Variants in TESK2 observed in about 807,000 individuals in gnomAD.
TESK2 encodes testis associated actin remodelling kinase 2.
TESK2 carries 39 observed loss-of-function variants against 57.1 expected under a neutral mutation model. That is an observed-to-expected ratio of 0.68 (90% CI 0.53 to 0.89). TESK2 has a LOEUF of 0.89. Among genes scored for constraint, TESK2 ranks in the 40% least tolerant of loss-of-function variants. The pLI, the probability that TESK2 is intolerant of heterozygous loss-of-function variation, is 0.00. For synonymous variants in TESK2, 249 were observed against 267.9 expected (o/e 0.93, Z 0.69); for missense variants, 646 against 732.1 (o/e 0.88, Z 1.36).
intron 1 of TESK2, among the ~76,000 whole-genome samples, chr1:45,477,736 T>C (rs1038152376): frequency 2.6e-5 from 4 of 152,194 alleles, no homozygotes; most frequent in African/African-American, 9.7e-5. Flanking sequence ...TGATATCTGT[T>C]GCTTATAAAA....
intron 1 of TESK2, among the ~76,000 whole-genome samples, chr1:45,482,411 C>G (rs1480714674): frequency 2.0e-5 from 3 of 151,796 alleles, no homozygotes; most frequent in Admixed American, 2.0e-4. Context: ...ACCTGTAGTC[C>G]CAGCTACTCA....
In TESK2 at chr1:45,423,284, A is replaced by T. The variant is rs569905772; in HGVS notation, c.223-1438T>A. On this transcript the variant is annotated intron_variant, in intron 2 of 10. Coordinates refer to ENST00000372086, the MANE Select transcript of TESK2 (RefSeq NM_007170.3). ...TACCATAAAAATCCATAGGCCGGGC[A>T]CAGTGGCTCACGCCTGTAATCCCAG... is the stretch of plus-strand genomic sequence containing the variant. Among the ~76,000 whole-genome samples the T allele has an allele frequency of 1.7e-4, 26 of 152,294 alleles. No individual in the cohort carries two copies. In the South Asian group the frequency reaches 5.0e-3, roughly 29 times the overall value.
At chr1:45,345,580 G>A in intron 10 of TESK2, 22 bp from the exon 11 acceptor site, 1 of 1,593,454 alleles carries the variant, frequency 6.3e-7, no homozygotes, top group Middle Eastern at 1.7e-4. Context: ...TCAAGTCTGG[G>A]TTACTCTCAC....
chr1:45,350,574 G>T (rs1004592312), intron 5 of TESK2, among the ~76,000 whole-genome samples: 1 of 152,236 alleles, frequency 6.6e-6, no homozygotes, highest in Admixed American at 6.5e-5. Context: ...AGCACAGGGA[G>T]ATCAGTGACC....
At chr1:45,447,631 TGTA>T (rs1163593438) in intron 2 of TESK2, among the ~76,000 whole-genome samples, 6 of 152,152 alleles carry the variant, frequency 3.9e-5, no homozygotes, top group African/African-American at 1.4e-4. Context: ...AAAAGTATAA[TGTA>T]GTATATATAT....
At chr1:45,425,547 C>T (rs763605732) in intron 2 of TESK2, among the ~76,000 whole-genome samples, 5 of 151,762 alleles carry the variant, frequency 3.3e-5, no homozygotes, top group Non-Finnish European at 5.9e-5. Context: ...CCCAGCTAGT[C>T]GGGAAGCTGA....
chr1:45,470,440 T>C (rs1358161496), intron 1 of TESK2, among the ~76,000 whole-genome samples: 1 of 152,116 alleles, frequency 6.6e-6, no homozygotes. Context: ...AAATAATGAG[T>C]TGCAGTTTCC....
intron 3 of TESK2, among the ~76,000 whole-genome samples, chr1:45,409,933 C>CGGG (rs1649976132): frequency 6.6e-6 from 1 of 151,956 alleles, no homozygotes; most frequent in African/African-American, 2.4e-5. Flanking sequence ...GGGAGGCCAA[C>CGGG]GGGGGCAGAT....
intron 1 of TESK2, among the ~76,000 whole-genome samples, chr1:45,489,841 A>G (rs775084487): frequency 2.6e-5 from 4 of 152,096 alleles, no homozygotes; most frequent in African/African-American, 9.7e-5. Flanking sequence ...TTCAAAACCA[A>G]ATTTATTACC....
At chr1:45,400,746 G>A (rs991846924) in intron 3 of TESK2, among the ~76,000 whole-genome samples, 13 of 152,250 alleles carry the variant, frequency 8.5e-5, no homozygotes, top group South Asian at 2.1e-4. Context: ...GAAGAGCCAG[G>A]CATGGTGGCT....
intron 1 of TESK2, among the ~76,000 whole-genome samples, chr1:45,466,308 C>T (rs1652549513): frequency 6.6e-6 from 1 of 152,042 alleles, no homozygotes. Flanking sequence ...AACCCTGTAT[C>T]TACTAAAAAT....
At chr1:45,385,982 T>C in intron 3 of TESK2, 22 bp from the exon 4 acceptor site, 1 of 1,580,172 alleles carries the variant, frequency 6.3e-7, no homozygotes. Context: ...GACAGAATTA[T>C]TTAACAAGTG....
intron 1 of TESK2, among the ~76,000 whole-genome samples, chr1:45,476,023 T>A (rs910380255): frequency 2.0e-5 from 3 of 152,320 alleles, no homozygotes; most frequent in South Asian, 4.1e-4. Flanking sequence ...CTGGCTTCCT[T>A]GCTCCTCAAC....
intron 4 of TESK2, among the ~76,000 whole-genome samples, chr1:45,362,432 T>C (rs1372415749): frequency 3.9e-5 from 6 of 152,248 alleles, no homozygotes; most frequent in East Asian, 1.9e-4. Context: ...CAATTCTTGC[T>C]GATTCTAGTC....
At chr1:45,488,097 A>G (rs1298344035) in intron 1 of TESK2, among the ~76,000 whole-genome samples, 1 of 152,010 alleles carries the variant, frequency 6.6e-6, no homozygotes, top group Non-Finnish European at 1.5e-5. Context: ...AATTTTCTGT[A>G]GAGACGAGGT....
chr1:45,354,281 C>T (rs978214992), intron 5 of TESK2, among the ~76,000 whole-genome samples: 5 of 151,950 alleles, frequency 3.3e-5, no homozygotes, highest in African/African-American at 9.7e-5. Flanking sequence ...CTTGAGCTCA[C>T]AAGTTTGAGA....
intron 4 of TESK2, among the ~76,000 whole-genome samples, chr1:45,367,664 T>TC (rs1647986785): frequency 6.6e-6 from 1 of 150,690 alleles, no homozygotes; most frequent in African/African-American, 2.4e-5. Context: ...GCATTTTTTT[T>TC]TTTTTTTTTT....
intron 2 of TESK2, among the ~76,000 whole-genome samples, chr1:45,454,381 ATAAT>A (rs1422954718): frequency 1.3e-5 from 2 of 152,084 alleles, no homozygotes; most frequent in Non-Finnish European, 2.9e-5. Context: ...TGTACTTAAC[ATAAT>A]TAAATACTGT....
chr1:45,402,081 T>TAAA lies in TESK2; in HGVS notation c.345-16124_345-16122dup, dbSNP rs1425331482. The stretch of plus-strand genomic sequence containing the variant: ...ACACTGAAACCCTGCTAATAACCAT[T>TAAA]AAAAAAAAAGAAAAGAAAAGAAAAG... On this transcript the variant is annotated intron_variant, in intron 3 of 10. Coordinates refer to ENST00000372086, the MANE Select transcript of TESK2 (RefSeq NM_007170.3). Among the ~76,000 whole-genome samples the TAAA allele has an allele frequency of 2.1e-5, 3 of 142,624 alleles. 1 individual carries two copies. Among genetic ancestry groups the TAAA allele is most frequent in the African/African-American group, 5.1e-5 (2 of 39,154 alleles). 93.6% of individuals were successfully genotyped at this position (142,624 alleles called of 152,430 possible).
Sources: gnomAD v4.1 joint callset for allele counts (sites outside exome capture counted in the v4.1 genomes callset) on GRCh38, gnomAD v4.1.1 for gene constraint, MANE v1.5 for transcripts, NCBI Gene and HGNC (gene_info 2026-07-23, HGNC 2026-07-21) for gene names.